TRAT1: variants seen among roughly 807,000 people sequenced by gnomAD.
TRAT1 encodes the protein T cell receptor associated transmembrane adaptor 1, also known as T-cell receptor-associated transmembrane adapter 1.
TRAT1 carries 20 observed loss-of-function variants against 20.0 expected under a neutral mutation model. The observed-to-expected ratio is 1.00, with a 90% CI of 0.70 to 1.45. The LOEUF (loss-of-function observed/expected upper bound fraction) is 1.45. Ranked by LOEUF, TRAT1 falls within the 40% of genes most tolerant of loss-of-function variation. The pLI, the probability that TRAT1 is intolerant of heterozygous loss-of-function variation, is 0.00. For synonymous variants in TRAT1, 77 were observed against 74.2 expected (o/e 1.04, Z -0.20); for missense variants, 237 against 224.1 (o/e 1.06, Z -0.37).
chr3:108,824,799 A>G (rs1470332883), intron 1 of TRAT1, among the ~76,000 whole-genome samples: 2 of 152,256 alleles, frequency 1.3e-5, no homozygotes, highest in African/African-American at 4.8e-5. Flanking sequence ...AGAAATGAAC[A>G]TAGCATTACT....
chr3:108,844,499 G>A (rs2953351), intron 3 of TRAT1, among the ~76,000 whole-genome samples: 1 of 145,468 alleles, frequency 6.9e-6, no homozygotes, highest in African/African-American at 2.8e-5. Context: ...TTAAATAAAA[G>A]ACCTAATAAA....
chr3:108,835,959 G>A (rs771799685), intron 2 of TRAT1, among the ~76,000 whole-genome samples: 15 of 151,484 alleles, frequency 9.9e-5, no homozygotes, highest in Non-Finnish European at 1.9e-4. Flanking sequence ...TTGCTCTGTC[G>A]CCCAGGCTGG....
At chr3:108,852,652 A>G (rs1946007891) in intron 5 of TRAT1, among the ~76,000 whole-genome samples, 1 of 152,222 alleles carries the variant, frequency 6.6e-6, no homozygotes, top group Non-Finnish European at 1.5e-5. Flanking sequence ...TGGCTGTCTT[A>G]AAGTTTTAGT....
chr3:108,823,105 A>G (rs1945707665), intron 1 of TRAT1, among the ~76,000 whole-genome samples, 171 bp downstream of exon 1: 1 of 152,200 alleles, frequency 6.6e-6, no homozygotes, highest in South Asian at 2.1e-4. Flanking sequence ...GTATAAGTTG[A>G]CATTTTTCTT....
chr3:108,826,085 C>T (rs1458329365), intron 1 of TRAT1, among the ~76,000 whole-genome samples: 1 of 152,150 alleles, frequency 6.6e-6, no homozygotes, highest in African/African-American at 2.4e-5. Flanking sequence ...CTGTCCTCCA[C>T]CTCACTCTCA....
chr3:108,835,492 G>A (rs902265272), intron 2 of TRAT1, among the ~76,000 whole-genome samples: 10 of 152,176 alleles, frequency 6.6e-5, no homozygotes. Context: ...TGAGCTTGCT[G>A]GCTTTTATTC....
chr3:108,852,276 G>A (rs1346085931), intron 5 of TRAT1, among the ~76,000 whole-genome samples: 5 of 152,168 alleles, frequency 3.3e-5, no homozygotes, highest in African/African-American at 1.2e-4. Flanking sequence ...AGCTACTTGG[G>A]AGGCTGAGGC....
At chr3:108,826,977 G>T (rs900383091) in intron 1 of TRAT1, among the ~76,000 whole-genome samples, 2 of 152,148 alleles carry the variant, frequency 1.3e-5, no homozygotes, top group African/African-American at 4.8e-5. Context: ...GACAGTGCCT[G>T]CCAATTACTG....
Position 108,854,362 on chromosome 3 carries a change from C to T in TRAT1, c.*485C>T, listed in dbSNP as rs2107518217. 6.6e-6 allele frequency: 1 copy of T among 152,546 alleles called. No individual in the cohort carries two copies. Among genetic ancestry groups the T allele is most frequent in the South Asian group, 2.1e-4 (1 of 4,828 alleles). 9.4% of individuals were successfully genotyped at this position (152,546 alleles called of 1,614,324 possible). ...ATTTCTGATTGAAAGGTATAGGAAA[C>T]ATTAAAATGCATTACTAAGAGAAGT... On this transcript the variant is annotated 3_prime_UTR_variant, in exon 6 of 6. Transcript: ENST00000295756.
rs1310481068 is a variant in TRAT1 at position 108,837,180 on chromosome 3, C to A, written c.119-1754C>A. Among the ~76,000 whole-genome samples, 10 of 152,312 alleles carry A rather than the reference C, an allele frequency of 6.6e-5. No individual in the cohort carries two copies. In the East Asian group the frequency reaches 1.7e-3, roughly 26 times the overall value. On this transcript the variant is annotated intron_variant, in intron 2 of 5. Coordinates refer to ENST00000295756, the MANE Select transcript of TRAT1 (RefSeq NM_016388.4). ...CAACATTTGTGTGCACTTGTATTCA[C>A]AAGACTAGTATGAAAGTAGTTGAAA...
rs1354536703 is a variant in TRAT1, at chr3:108,833,278, C to T, written c.118+2498C>T. On this transcript the variant is annotated intron_variant, in intron 2 of 5. Coordinates refer to ENST00000295756, the MANE Select transcript of TRAT1 (RefSeq NM_016388.4). Reference sequence around the variant, plus strand: ...ACTAAAATTACAAAAATTAGCTGGGCATAGTGGCGCATGCCTGTAATCCCA... The same window carrying T: ...ACTAAAATTACAAAAATTAGCTGGGTATAGTGGCGCATGCCTGTAATCCCA... Among the ~76,000 whole-genome samples, 4 of 152,210 alleles carry T rather than the reference C, an allele frequency of 2.6e-5. No homozygotes were observed. The South Asian group carries it at 6.2e-4, about 24-fold the overall frequency.
chr3:108,829,233 A>G (rs1011336710), intron 1 of TRAT1, among the ~76,000 whole-genome samples: 1 of 152,126 alleles, frequency 6.6e-6, no homozygotes, highest in African/African-American at 2.4e-5. Context: ...TCTATACTAT[A>G]TTATGTTATA....
At chr3:108,843,208 A>G (rs1250734077) in intron 3 of TRAT1, among the ~76,000 whole-genome samples, 4 of 152,164 alleles carry the variant, frequency 2.6e-5, no homozygotes. Flanking sequence ...TGTATTGTTT[A>G]TACCTTTAAA....
Position 108,830,682 on chromosome 3 carries a change from G to A in TRAT1, c.20G>A (p.Cys7Tyr). The change falls in exon 2 of 6, where the codon TGC (cysteine) becomes TAC (tyrosine). Residue 7 changes from cysteine to tyrosine, a missense_variant. Coordinates refer to ENST00000295756, the MANE Select transcript of TRAT1 (RefSeq NM_016388.4). MSGISG[C>Y]PFFLWGLLAL... The stretch of plus-strand genomic sequence containing the variant: ...TTTTAATTTCCAGGAATCTCTGGGT[G>A]CCCCTTTTTCCTCTGGGGACTTCTA... The A allele has an allele frequency of 1.2e-6, 2 of 1,609,842 alleles. No homozygotes were observed. Among genetic ancestry groups the A allele is most frequent in the Non-Finnish European group, 1.7e-6 (2 of 1,176,142 alleles).
chr3:108,824,795 G>T (rs557886997), intron 1 of TRAT1, among the ~76,000 whole-genome samples: 4 of 152,174 alleles, frequency 2.6e-5, no homozygotes, highest in African/African-American at 9.7e-5. Flanking sequence ...TGCAAGAAAT[G>T]AACATAGCAT....
At chr3:108,850,568 T>C (rs542619904) in intron 5 of TRAT1, among the ~76,000 whole-genome samples, 8 of 152,320 alleles carry the variant, frequency 5.3e-5, no homozygotes, top group African/African-American at 1.9e-4. Context: ...CCTCCCAAAG[T>C]GCTGGGATTA....
chr3:108,829,586 A>AACACACACACAC (rs144318236), intron 1 of TRAT1, among the ~76,000 whole-genome samples: 19,299 of 142,384 alleles, frequency 0.14, 1,386 homozygotes, highest in African/African-American at 0.16. Context: ...TCCATCTCAA[A>AACACACACACAC]ACACACACAC....
chr3:108,824,001 A>T (rs1945714993), intron 1 of TRAT1, among the ~76,000 whole-genome samples: 1 of 152,006 alleles, frequency 6.6e-6, no homozygotes, highest in Non-Finnish European at 1.5e-5. Flanking sequence ...CCTCCTGAGT[A>T]TCTGGGACTA....
At position 108,838,339 on chromosome 3, in the gene TRAT1, T is replaced by TA. The variant is rs201967875; in HGVS notation, c.119-595_119-594insA. On this transcript the variant is annotated intron_variant, in intron 2 of 5. Transcript: ENST00000295756. ...AAAAGTAGATAGATAGATAGATAGATGATAGATATAGATAGATGATAGATA... is the reference window on the plus strand; with the variant it reads ...AAAAGTAGATAGATAGATAGATAGATAGATAGATATAGATAGATGATAGATA... 4.8e-3 allele frequency among the ~76,000 whole-genome samples: 435 copies of TA among 89,978 alleles called. 3 individuals are homozygous for TA. Among genetic ancestry groups the TA allele is most frequent in the African/African-American group, 0.039 (415 of 10,662 alleles). 59.0% of individuals were successfully genotyped at this position (89,978 alleles called of 152,430 possible).
Sources: gnomAD v4.1 joint callset for allele counts (sites outside exome capture counted in the v4.1 genomes callset) on GRCh38, gnomAD v4.1.1 for gene constraint, MANE v1.5 for transcripts, NCBI Gene and HGNC (gene_info 2026-07-23, HGNC 2026-07-21) for gene names.